Variants in CNTN5 observed in about 807,000 individuals in gnomAD.
CNTN5 encodes the protein contactin-5.
CNTN5 carries 77 observed loss-of-function variants against 129.1 expected under a neutral mutation model. The ratio of observed to expected loss-of-function variants is 0.60; its 90% CI spans 0.50 to 0.72. The LOEUF is 0.72. Ranked by LOEUF, CNTN5 falls within the 30% of genes least tolerant of loss-of-function variation. The pLI is 0.00. For missense variants in CNTN5, 1,478 were observed against 1,328.8 expected, an observed-to-expected ratio of 1.11 and a Z score of -1.75; for synonymous variants, 509 against 465.6, an observed-to-expected ratio of 1.09 and a Z score of -1.20.
chr11:100,026,624 CAT>C (rs1941430386), intron 9 of CNTN5, among the ~76,000 whole-genome samples: 2 of 152,166 alleles, frequency 1.3e-5, no homozygotes, highest in Admixed American at 1.3e-4. Context: ...GCATGTCACT[CAT>C]AATCTGTCAT....
chr11:100,267,017 AAGAAAGTAAATTATAT>A (rs1247416832), intron 17 of CNTN5, among the ~76,000 whole-genome samples: 11 of 152,110 alleles, frequency 7.2e-5, no homozygotes, highest in Non-Finnish European at 1.2e-4. Context: ...AGAACATAAT[AAGAAAGTAAATTATAT>A]AGTATCTTAG....
At chr11:99,957,934 T>C (rs1950845212) in intron 8 of CNTN5, among the ~76,000 whole-genome samples, 1 of 151,810 alleles carries the variant, frequency 6.6e-6, no homozygotes, top group South Asian at 2.1e-4. Context: ...TGTAAACAAG[T>C]CTATGAAACT....
At chr11:99,951,076 G>A (rs1251786959) in intron 7 of CNTN5, among the ~76,000 whole-genome samples, 1 of 152,016 alleles carries the variant, frequency 6.6e-6, no homozygotes, top group East Asian at 1.9e-4. Flanking sequence ...TTAGTTTACA[G>A]ATGAGAAGAT....
intron 9 of CNTN5, among the ~76,000 whole-genome samples, chr11:100,024,980 G>C (rs1401068936): frequency 6.6e-6 from 1 of 152,194 alleles, no homozygotes; most frequent in Non-Finnish European, 1.5e-5. Flanking sequence ...ATTCAAGCAG[G>C]CTGCAAAAAC....
intron 2 of CNTN5, among the ~76,000 whole-genome samples, chr11:99,422,666 G>GT (rs1010156447): frequency 6.6e-6 from 1 of 151,138 alleles, no homozygotes; most frequent in Non-Finnish European, 1.5e-5. Context: ...AATAGAGAGG[G>GT]TTTTTTATTA....
intron 1 of CNTN5, among the ~76,000 whole-genome samples, chr11:99,235,578 G>T (rs893643207): frequency 6.6e-6 from 1 of 151,954 alleles, no homozygotes; most frequent in Non-Finnish European, 1.5e-5. Context: ...CCTTACAATA[G>T]GTATAACTAT....
intron 13 of CNTN5, among the ~76,000 whole-genome samples, chr11:100,139,083 AG>A (rs1946612596): frequency 6.6e-6 from 1 of 152,150 alleles, no homozygotes; most frequent in East Asian, 1.9e-4. Flanking sequence ...AACCATTTGC[AG>A]AAAAAAGTAG....
At chr11:99,779,541 T>C (rs1414560891) in intron 3 of CNTN5, among the ~76,000 whole-genome samples, 3 of 151,970 alleles carry the variant, frequency 2.0e-5, no homozygotes, top group African/African-American at 7.2e-5. Context: ...ATTGTAATGA[T>C]AGCTGAGGTT....
chr11:99,856,949 A>G (rs752387329), intron 6 of CNTN5, among the ~76,000 whole-genome samples: 1 of 151,900 alleles, frequency 6.6e-6, no homozygotes, highest in Non-Finnish European at 1.5e-5. Context: ...ACTGTTCAAT[A>G]ACCCACGTCT....
intron 1 of CNTN5, among the ~76,000 whole-genome samples, chr11:99,180,874 A>G (rs1256927230): frequency 6.6e-6 from 1 of 152,232 alleles, no homozygotes; most frequent in Non-Finnish European, 1.5e-5. Flanking sequence ...TATACACATA[A>G]GATTCAATAT....
intron 13 of CNTN5, among the ~76,000 whole-genome samples, chr11:100,185,026 T>C (rs927127151): frequency 1.3e-5 from 2 of 152,056 alleles, no homozygotes; most frequent in Non-Finnish European, 2.9e-5. Flanking sequence ...CCTGCCGCCA[T>C]GTGAAGAAGG....
intron 3 of CNTN5, among the ~76,000 whole-genome samples, chr11:99,629,367 A>G (rs1411875017): frequency 6.6e-6 from 1 of 151,980 alleles, no homozygotes; most frequent in Non-Finnish European, 1.5e-5. Flanking sequence ...TTTAAAAAGT[A>G]ATTTCCTCTA....
At chr11:99,459,432 A>C (rs1370101739) in intron 2 of CNTN5, among the ~76,000 whole-genome samples, 1 of 152,058 alleles carries the variant, frequency 6.6e-6, no homozygotes, top group African/African-American at 2.4e-5. Flanking sequence ...AGTAAGACTA[A>C]TATGATAGAA....
At position 99,466,470 on chromosome 11, in the gene CNTN5, G is replaced by A. The variant is rs146225882; in HGVS notation, c.-70-89675G>A. Among the ~76,000 whole-genome samples, 750 of 152,182 alleles carry A rather than the reference G, an allele frequency of 4.9e-3. 5 individuals carry two copies. Among genetic ancestry groups the A allele is most frequent in the African/African-American group, 0.016 (682 of 41,514 alleles). On this transcript the variant is annotated intron_variant, in intron 2 of 24. Coordinates refer to ENST00000524871, the MANE Select transcript of CNTN5 (RefSeq NM_014361.4). ...ACCCCATGTTGTGTTTTACTTTGAT[G>A]TGGTCAATCTTTCTTTGATTTTTAT...
At chr11:99,936,719 T>G (rs926556223) in intron 7 of CNTN5, among the ~76,000 whole-genome samples, 3 of 152,146 alleles carry the variant, frequency 2.0e-5, no homozygotes, top group Non-Finnish European at 4.4e-5. Context: ...GAAAGTGAAA[T>G]CTGAAGCACT....
intron 9 of CNTN5, among the ~76,000 whole-genome samples, chr11:100,033,713 C>T (rs1194579406): frequency 3.9e-5 from 6 of 152,206 alleles, no homozygotes; most frequent in African/African-American, 1.4e-4. Context: ...CACAATGCTA[C>T]AGAATGGTCT....
chr11:99,190,454 A>C (rs1858579795), intron 1 of CNTN5, among the ~76,000 whole-genome samples: 2 of 151,746 alleles, frequency 1.3e-5, no homozygotes, highest in African/African-American at 4.8e-5. Context: ...GCATTTTGAA[A>C]GAGATTACAT....
At chr11:99,314,556 G>A (rs571506571) in intron 1 of CNTN5, among the ~76,000 whole-genome samples, 3 of 152,022 alleles carry the variant, frequency 2.0e-5, no homozygotes, top group Non-Finnish European at 2.9e-5. Context: ...GAGAGAAAAG[G>A]CATCTTTCTA....
chr11:99,870,511 A>G (rs1417208798), intron 6 of CNTN5, among the ~76,000 whole-genome samples: 1 of 152,186 alleles, frequency 6.6e-6, no homozygotes, highest in African/African-American at 2.4e-5. Context: ...GTATTTAAAC[A>G]TAATGACAAG....
Sources: allele counts gnomAD v4.1 joint callset (sites outside exome capture counted in the v4.1 genomes callset), GRCh38; gene constraint gnomAD v4.1.1; transcripts MANE v1.5; gene names NCBI Gene and HGNC (gene_info 2026-07-23, HGNC 2026-07-21).